Variants in GAK observed in about 807,000 individuals in gnomAD.
GAK encodes cyclin-G-associated kinase.
In GAK, 79 loss-of-function variants were observed where a neutral mutation model predicts 143.9. That is an observed-to-expected ratio of 0.55 (90% confidence interval 0.46 to 0.66). GAK has a LOEUF of 0.66. Ranked by LOEUF, GAK falls within the 30% of genes least tolerant of loss-of-function variation. The probability of loss-of-function intolerance (pLI) is 0.00; values close to 1 mark genes in which losing one functional copy is unlikely to be tolerated. For synonymous variants in GAK, 881 were observed against 765.5 expected (o/e 1.15, Z -2.49); for missense variants, 1,693 against 1,779.7 (o/e 0.95, Z 0.88).
At chr4:912,070 G>T (rs746594677) in intron 3 of GAK, 1 of 476,346 alleles carries the variant, frequency 2.1e-6, no homozygotes, top group Non-Finnish European at 4.2e-6. Context: ...CGCGTGGCAG[G>T]AGGAGGCAGG....
At chr4:877,008 G>T in intron 17 of GAK, 82 bp downstream of exon 17, 1 of 947,994 alleles carries the variant, frequency 1.1e-6, no homozygotes, top group African/African-American at 1.6e-5. Context: ...CCCTCGGTGA[G>T]AAGTGAGCGC....
intron 4 of GAK, among the ~76,000 whole-genome samples, chr4:910,744 C>T (rs1721903390): frequency 7.3e-6 from 1 of 137,106 alleles, no homozygotes; most frequent in Admixed American, 7.3e-5. Context: ...TCCCCTCTCT[C>T]CCTGCCTGGG....
chr4:859,385 G>GCAGTGC (rs1749867070), intron 24 of GAK: 2 of 1,493,222 alleles, frequency 1.3e-6, no homozygotes, highest in East Asian at 5.4e-5. Context: ...GGGGCTGGCA[G>GCAGTGC]CAGTGCCAGT....
chr4:870,672 C>G, intron 19 of GAK, 39 bp downstream of exon 19: 1 of 1,601,554 alleles, frequency 6.2e-7, no homozygotes, highest in Non-Finnish European at 8.5e-7. Context: ...GAGACACTCA[C>G]CAGAACAGGG....
intron 7 of GAK, among the ~76,000 whole-genome samples, chr4:895,879 C>A (rs954245581): frequency 4.6e-5 from 7 of 152,312 alleles, no homozygotes; most frequent in Admixed American, 1.3e-4. Flanking sequence ...AGATGCACAA[C>A]AAGCCATGGA....
intron 11 of GAK, chr4:887,853 A>G (rs1716821163): frequency 6.6e-6 from 1 of 152,484 alleles, no homozygotes; most frequent in Admixed American, 6.5e-5. Context: ...ACACATGCTC[A>G]TACCAGCAAT....
Position 859,263 on chromosome 4 carries a change from C to G in GAK, c.3283+343G>C, listed in dbSNP as rs1749835768. The G allele has an allele frequency of 6.5e-6, 8 of 1,236,832 alleles. No homozygotes were observed. The South Asian group carries it at 9.9e-5, about 15-fold the overall frequency. The allele number at this position is 1,236,832 out of a possible 1,614,324, so 76.6% of individuals were successfully genotyped here. ...ACAGCTAGCACGCTCCGAGCACAGC[C>G]TCGGGGACTGAGCAGAGCCCAGCTA... On this transcript the variant is annotated intron_variant, in intron 24 of 27. Coordinates refer to ENST00000314167, the MANE Select transcript of GAK (RefSeq NM_005255.4).
At chr4:909,660 G>A (rs770292123) in intron 4 of GAK, among the ~76,000 whole-genome samples, 15 of 152,236 alleles carry the variant, frequency 9.9e-5, no homozygotes, top group Non-Finnish European at 1.9e-4. Context: ...AGGCTGTATA[G>A]AGTTATGAGG....
intron 5 of GAK, among the ~76,000 whole-genome samples, chr4:900,175 A>G (rs1256919655): frequency 1.3e-5 from 2 of 152,204 alleles, no homozygotes; most frequent in African/African-American, 4.8e-5. Context: ...CTGTGCGCAC[A>G]GCAGGACGAT....
chr4:928,220 G>C (rs1725154103), intron 1 of GAK, among the ~76,000 whole-genome samples: 1 of 152,206 alleles, frequency 6.6e-6, no homozygotes, highest in Admixed American at 6.5e-5. Flanking sequence ...ACCATGCCCA[G>C]CTAGTTTTTG....
At chr4:928,557 C>T (rs1242994346) in intron 1 of GAK, among the ~76,000 whole-genome samples, 3 of 152,160 alleles carry the variant, frequency 2.0e-5, no homozygotes, top group African/African-American at 7.2e-5. Context: ...CAAGTGTACC[C>T]TGCGGAGGAC....
chr4:907,154 C>A (rs993666701), intron 4 of GAK, among the ~76,000 whole-genome samples: 18 of 152,220 alleles, frequency 1.2e-4, no homozygotes, highest in African/African-American at 2.9e-4. Flanking sequence ...GGACCTGCCA[C>A]AGCTCAGGCT....
At chr4:877,490 G>A (rs1011943170) in intron 16 of GAK, 125 bp downstream of exon 16, 16 of 998,360 alleles carry the variant, frequency 1.6e-5, no homozygotes, top group Admixed American at 1.5e-4. Context: ...TGCCACAGAC[G>A]CCACAGTTCC....
intron 20 of GAK, 152 bp downstream of exon 20, chr4:868,387 G>A (rs1215131381): frequency 4.6e-6 from 3 of 655,708 alleles, no homozygotes; most frequent in South Asian, 2.0e-5. Flanking sequence ...AGCCATTAAA[G>A]AACAGGCTGA....
chr4:866,307 C>G (rs983926121), intron 22 of GAK, 57 bp downstream of exon 22: 1 of 1,542,352 alleles, frequency 6.5e-7, no homozygotes, highest in African/African-American at 1.4e-5. Context: ...CCACCAGAGG[C>G]TGCGGTCCTG....
intron 24 of GAK, among the ~76,000 whole-genome samples, chr4:856,429 CCTGCTCACCACAG>C (rs1418958609): frequency 3.1e-5 from 3 of 96,546 alleles, no homozygotes; most frequent in African/African-American, 8.1e-5. Flanking sequence ...GCTGCTCACA[CCTGCTCACCACAG>C]CTGCTCACTA....
rs1165244114 is a variant in GAK at position 852,164 on chromosome 4, C to T, written c.3284-190G>A. On this transcript the variant is annotated intron_variant, in intron 24 of 27. Transcript: ENST00000314167. Reference sequence around the variant, plus strand: ...GGTCTCCAGGGGCTGGAGCACAGGCCAGGTGCTGGGGCGACGGGAACACTC... The same window carrying T: ...GGTCTCCAGGGGCTGGAGCACAGGCTAGGTGCTGGGGCGACGGGAACACTC... The T allele has an allele frequency of 4.7e-6, 3 of 633,484 alleles. No homozygotes were observed. The African/African-American group carries it at 5.4e-5, about 12-fold the overall frequency. 39.2% of individuals were successfully genotyped at this position (633,484 alleles called of 1,614,324 possible).
At chr4:892,147 C>T (rs1717795596) in intron 9 of GAK, among the ~76,000 whole-genome samples, 2 of 152,190 alleles carry the variant, frequency 1.3e-5, no homozygotes, top group Non-Finnish European at 2.9e-5. Flanking sequence ...GACAGGGACT[C>T]CGGGCAGCAG....
chr4:919,636 C>T (rs1034254389), intron 1 of GAK, among the ~76,000 whole-genome samples: 12 of 152,262 alleles, frequency 7.9e-5, no homozygotes, highest in Non-Finnish European at 1.6e-4. Context: ...GGAGCTGCTC[C>T]TCACCGCTTC....
Sources: gnomAD v4.1 joint callset for allele counts (sites outside exome capture counted in the v4.1 genomes callset) on GRCh38, gnomAD v4.1.1 for gene constraint, MANE v1.5 for transcripts, NCBI Gene and HGNC (gene_info 2026-07-23, HGNC 2026-07-21) for gene names.